SPRED2: variants seen among roughly 807,000 people sequenced by gnomAD.
SPRED2 encodes sprouty-related, EVH1 domain-containing protein 2.
SPRED2 carries 47 observed loss-of-function variants against 43.0 expected under a neutral mutation model. The ratio of observed to expected loss-of-function variants is 1.09; its 90% CI spans 0.87 to 1.40. The LOEUF (loss-of-function observed/expected upper bound fraction) is 1.40, where lower values mean the gene tolerates loss of function less well. Among genes scored for constraint, SPRED2 ranks in the 40% most tolerant of loss-of-function variants. The probability of loss-of-function intolerance (pLI) is 0.00; values close to 1 mark genes in which losing one functional copy is unlikely to be tolerated. For synonymous variants in SPRED2, 225 were observed against 225.7 expected (o/e 1.00, Z 0.03); for missense variants, 561 against 586.4 (o/e 0.96, Z 0.45).
rs1673121671 is a variant in SPRED2, at chr2:65,313,282, G to A, written c.*219C>T. The A allele has an allele frequency of 1.4e-5, 20 of 1,408,662 alleles. No individual in the cohort carries two copies. In the East Asian group the frequency reaches 5.0e-4, roughly 35 times the overall value. 87.3% of individuals were successfully genotyped at this position (1,408,662 alleles called of 1,614,324 possible). A position where few individuals can be genotyped will look rare whatever the true frequency, so the allele number is the denominator to read the frequency against. On this transcript the variant is annotated 3_prime_UTR_variant, in exon 6 of 6. Transcript: ENST00000356388. ...TCCTCAGAACACTGTGCGAGCGTGTGTGTATGGATGTGGCTGCTGCAGTGT... is the reference window on the plus strand; with the variant it reads ...TCCTCAGAACACTGTGCGAGCGTGTATGTATGGATGTGGCTGCTGCAGTGT...
intron 1 of SPRED2, among the ~76,000 whole-genome samples, chr2:65,391,702 C>T (rs892370311): frequency 2.0e-5 from 3 of 152,104 alleles, no homozygotes; most frequent in Non-Finnish European, 4.4e-5. Flanking sequence ...AATTTTTAGA[C>T]AAGAGGATGA....
At chr2:65,330,173 T>C (rs951407553) in intron 4 of SPRED2, among the ~76,000 whole-genome samples, 4 of 152,246 alleles carry the variant, frequency 2.6e-5, no homozygotes, top group African/African-American at 9.6e-5. Flanking sequence ...GCAAACCATC[T>C]TGTGATCTCT....
intron 1 of SPRED2, among the ~76,000 whole-genome samples, chr2:65,393,906 G>C (rs1232084451): frequency 6.6e-6 from 1 of 152,156 alleles, no homozygotes; most frequent in Non-Finnish European, 1.5e-5. Context: ...TCCAGTTGCA[G>C]CTCTGGCACC....
At chr2:65,344,046 A>G (rs1674264280) in intron 2 of SPRED2, 1 of 152,014 alleles carries the variant, frequency 6.6e-6, no homozygotes, top group Admixed American at 6.6e-5. Flanking sequence ...ACTCAGCAGG[A>G]GAATTGCTTG....
chr2:65,408,443 A>G (rs2103751848), intron 1 of SPRED2, among the ~76,000 whole-genome samples: 1 of 152,322 alleles, frequency 6.6e-6, no homozygotes, highest in South Asian at 2.1e-4. Flanking sequence ...TCCTGTAGGA[A>G]TTCCTTGTAT....
At chr2:65,431,354 G>A (rs1443855201) in intron 1 of SPRED2, among the ~76,000 whole-genome samples, 2 of 151,400 alleles carry the variant, frequency 1.3e-5, no homozygotes, top group Non-Finnish European at 2.9e-5. Context: ...CACGCGCCGC[G>A]GGGCCCCTCG....
At chr2:65,340,632 C>T (rs1181856974) in intron 2 of SPRED2, among the ~76,000 whole-genome samples, 1 of 152,194 alleles carries the variant, frequency 6.6e-6, no homozygotes, top group African/African-American at 2.4e-5. Context: ...CTGTCCCCAG[C>T]TTACCAAAAA....
intron 1 of SPRED2, among the ~76,000 whole-genome samples, chr2:65,422,183 C>T: frequency 6.6e-6 from 1 of 151,596 alleles, no homozygotes; most frequent in East Asian, 1.9e-4. Context: ...ACTTGAAAAG[C>T]TTGCTTGTTT....
In SPRED2 at chr2:65,320,966, A is replaced by G. The variant is rs973407693; in HGVS notation, c.439-4083T>C. Among the ~76,000 whole-genome samples, 3 of 152,204 alleles carry G rather than the reference A, an allele frequency of 2.0e-5. No homozygotes were observed. In the South Asian group the frequency reaches 6.2e-4, roughly 31 times the overall value. On this transcript the variant is annotated intron_variant, in intron 4 of 5. Transcript: ENST00000356388. Reference sequence around the variant, plus strand: ...CATCTCTCTGTTATTTCTGTGCACAAGCTACTGACACCTACCAACCTACCA... The same window carrying G: ...CATCTCTCTGTTATTTCTGTGCACAGGCTACTGACACCTACCAACCTACCA...
intron 1 of SPRED2, among the ~76,000 whole-genome samples, chr2:65,350,664 G>A (rs1674481426): frequency 6.6e-6 from 1 of 152,222 alleles, no homozygotes; most frequent in African/African-American, 2.4e-5. Context: ...AAAGAGGCAG[G>A]TGACATTGTA....
chr2:65,419,678 T>G (rs189689613), intron 1 of SPRED2, among the ~76,000 whole-genome samples: 1 of 152,266 alleles, frequency 6.6e-6, no homozygotes, highest in East Asian at 1.9e-4. Flanking sequence ...TCAGTAGTAT[T>G]GTAATAAGGT....
intron 1 of SPRED2, among the ~76,000 whole-genome samples, chr2:65,358,026 T>C (rs1674706965): frequency 6.6e-6 from 1 of 152,162 alleles, no homozygotes; most frequent in Non-Finnish European, 1.5e-5. Context: ...GCAGAGGGCT[T>C]AGCAAACTTA....
chr2:65,346,522 C>T (rs545449496), intron 1 of SPRED2, among the ~76,000 whole-genome samples: 11 of 152,294 alleles, frequency 7.2e-5, no homozygotes, highest in African/African-American at 2.6e-4. Context: ...CCCTTCTCCA[C>T]TTCCTCGACC....
At chr2:65,417,226 C>T (rs548790020) in intron 1 of SPRED2, among the ~76,000 whole-genome samples, 3 of 152,200 alleles carry the variant, frequency 2.0e-5, no homozygotes, top group East Asian at 1.9e-4. Flanking sequence ...ACTGGAGCAG[C>T]GGGGGAAGAA....
intron 3 of SPRED2, 80 bp from the exon 4 acceptor site, chr2:65,332,131 T>C: frequency 1.2e-6 from 1 of 858,032 alleles, no homozygotes; most frequent in Non-Finnish European, 1.8e-6. Flanking sequence ...TATATTTTAA[T>C]AAAACCACAT....
At chr2:65,382,882 C>T (rs993142768) in intron 1 of SPRED2, among the ~76,000 whole-genome samples, 1 of 152,126 alleles carries the variant, frequency 6.6e-6, no homozygotes, top group Non-Finnish European at 1.5e-5. Flanking sequence ...CACGGTGTGG[C>T]GCAGTAATTC....
At chr2:65,430,750 T>C (rs937756711) in intron 1 of SPRED2, among the ~76,000 whole-genome samples, 1 of 151,882 alleles carries the variant, frequency 6.6e-6, no homozygotes, top group African/African-American at 2.4e-5. Context: ...GCGCCGCCGC[T>C]ACCTTGGCTA....
chr2:65,341,775 T>C (rs1383812428), intron 2 of SPRED2, among the ~76,000 whole-genome samples: 1 of 152,150 alleles, frequency 6.6e-6, no homozygotes, highest in Non-Finnish European at 1.5e-5. Context: ...CCACTTTAGG[T>C]TGAAGTATTC....
chr2:65,389,489 T>C (rs909886507), intron 1 of SPRED2, among the ~76,000 whole-genome samples: 2 of 152,196 alleles, frequency 1.3e-5, no homozygotes, highest in African/African-American at 4.8e-5. Flanking sequence ...TTGTTTTAGC[T>C]TAAGCATCCC....
Sources: allele counts gnomAD v4.1 joint callset (sites outside exome capture counted in the v4.1 genomes callset), GRCh38; gene constraint gnomAD v4.1.1; transcripts MANE v1.5; gene names NCBI Gene and HGNC (gene_info 2026-07-23, HGNC 2026-07-21).